ACTL8: variants seen among roughly 807,000 people sequenced by gnomAD.
ACTL8 encodes actin-like protein 8.
A neutral mutation model predicts 9.3 loss-of-function variants in ACTL8; 3 were observed. The ratio of observed to expected loss-of-function variants is 0.32; its 90% CI spans 0.15 to 0.83. The LOEUF (loss-of-function observed/expected upper bound fraction) is 0.83, where lower values mean the gene tolerates loss of function less well. Ranked by LOEUF, ACTL8 falls within the 40% of genes least tolerant of loss-of-function variation. The probability of loss-of-function intolerance (pLI) is 0.57; values close to 1 mark genes in which losing one functional copy is unlikely to be tolerated. For synonymous variants in ACTL8, 224 were observed against 205.9 expected, an observed-to-expected ratio of 1.09 and a Z score of -0.75; for missense variants, 381 against 492.2, an observed-to-expected ratio of 0.77 and a Z score of 2.14.
In ACTL8 at chr1:17,825,623, A is replaced by G; in HGVS notation, c.349-144A>G. 2.8e-6 allele frequency: 3 copies of G among 1,066,600 alleles called. No homozygotes were observed. The South Asian group carries it at 4.9e-5, about 18-fold the overall frequency. 66.1% of individuals were successfully genotyped at this position (1,066,600 alleles called of 1,614,324 possible). A position where few individuals can be genotyped will look rare whatever the true frequency, so the allele number is the denominator to read the frequency against. On this transcript the variant is annotated intron_variant, in intron 2 of 2. Transcript: ENST00000375406. ...CCTCCAGAGCTGCTGCATTATCCTC[A>G]CTGCATAAGCTCCAGGGGCCCTGGG...
chr1:17,825,477 G>A (rs756417282), intron 2 of ACTL8, among the ~76,000 whole-genome samples: 5 of 152,136 alleles, frequency 3.3e-5, no homozygotes, highest in Non-Finnish European at 5.9e-5. Flanking sequence ...TGCTCCTGCA[G>A]CCAGTGTCCC....
intron 1 of ACTL8, among the ~76,000 whole-genome samples, chr1:17,782,710 T>G (rs2066165693): frequency 2.0e-5 from 3 of 152,234 alleles, no homozygotes; most frequent in Admixed American, 2.0e-4. Context: ...CATCGTTTCC[T>G]TCTTGGTAAA....
intron 1 of ACTL8, among the ~76,000 whole-genome samples, chr1:17,779,582 C>G (rs1358726159): frequency 2.0e-5 from 3 of 152,126 alleles, no homozygotes; most frequent in Admixed American, 2.0e-4. Flanking sequence ...GGTTCTTCCC[C>G]CTGCAAAGCG....
At chr1:17,820,959 A>G (rs191399978) in intron 1 of ACTL8, among the ~76,000 whole-genome samples, 1 of 152,304 alleles carries the variant, frequency 6.6e-6, no homozygotes, top group East Asian at 1.9e-4. Flanking sequence ...GCACTTGGTA[A>G]GGGTGGGCCT....
At chr1:17,797,335 T>C (rs769430989) in intron 1 of ACTL8, among the ~76,000 whole-genome samples, 1 of 152,130 alleles carries the variant, frequency 6.6e-6, no homozygotes, top group Non-Finnish European at 1.5e-5. Context: ...ATTTAGGACC[T>C]CTCTGTCCCT....
At chr1:17,796,311 T>TGC (rs1253349207) in intron 1 of ACTL8, among the ~76,000 whole-genome samples, 1 of 94,440 alleles carries the variant, frequency 1.1e-5, no homozygotes, top group Non-Finnish European at 2.0e-5. Flanking sequence ...TGCACCTGTG[T>TGC]GTGTGTGTGT....
At chr1:17,775,158 G>T (rs888586819) in intron 1 of ACTL8, among the ~76,000 whole-genome samples, 5 of 152,220 alleles carry the variant, frequency 3.3e-5, no homozygotes, top group Non-Finnish European at 5.9e-5. Flanking sequence ...TCTAAATACA[G>T]GTGGGTAGGC....
At chr1:17,796,450 C>T (rs2066278022) in intron 1 of ACTL8, among the ~76,000 whole-genome samples, 1 of 152,124 alleles carries the variant, frequency 6.6e-6, no homozygotes, top group Non-Finnish European at 1.5e-5. Flanking sequence ...TTAATCTTTA[C>T]CATCCCAAGA....
chr1:17,787,461 G>A (rs962745219), intron 1 of ACTL8, among the ~76,000 whole-genome samples: 1 of 151,942 alleles, frequency 6.6e-6, no homozygotes, highest in Non-Finnish European at 1.5e-5. Flanking sequence ...TAGAGACAGG[G>A]TTTCACCATG....
intron 1 of ACTL8, among the ~76,000 whole-genome samples, chr1:17,758,430 T>C (rs2065981049): frequency 6.6e-6 from 1 of 152,236 alleles, no homozygotes. Context: ...AGCCAAAACC[T>C]GGCAATTGAT....
chr1:17,798,998 G>T (rs773227995), intron 1 of ACTL8, among the ~76,000 whole-genome samples: 3 of 152,150 alleles, frequency 2.0e-5, no homozygotes, highest in African/African-American at 7.2e-5. Context: ...AGCTCTCCAC[G>T]GATGCATTCC....
intron 1 of ACTL8, among the ~76,000 whole-genome samples, chr1:17,761,134 ATTTTTTTTTTTT>A (rs935834059): frequency 7.6e-6 from 1 of 131,392 alleles, no homozygotes; most frequent in African/African-American, 2.8e-5. Context: ...TTGCGGCTTA[ATTTTTTTTTTTT>A]TTTTTTTTTG....
At chr1:17,788,758 G>A (rs1034300624) in intron 1 of ACTL8, among the ~76,000 whole-genome samples, 1 of 152,372 alleles carries the variant, frequency 6.6e-6, no homozygotes, top group Non-Finnish European at 1.5e-5. Flanking sequence ...CCACCAGGCT[G>A]CAGAAGGCCC....
chr1:17,777,573 G>A (rs2066126632), intron 1 of ACTL8, among the ~76,000 whole-genome samples: 1 of 152,210 alleles, frequency 6.6e-6, no homozygotes, highest in South Asian at 2.1e-4. Flanking sequence ...CCAGAGTATG[G>A]TGTGGAGCCA....
chr1:17,800,821 C>G (rs2066316712), intron 1 of ACTL8, among the ~76,000 whole-genome samples: 1 of 151,904 alleles, frequency 6.6e-6, no homozygotes, highest in Non-Finnish European at 1.5e-5. Context: ...TCTCAAACTC[C>G]TCACCTCGTG....
intron 1 of ACTL8, among the ~76,000 whole-genome samples, chr1:17,808,916 T>G (rs962536499): frequency 1.3e-5 from 2 of 152,160 alleles, no homozygotes; most frequent in Non-Finnish European, 2.9e-5. Context: ...CAGAGACTGG[T>G]GGGCTTTGTG....
intron 1 of ACTL8, among the ~76,000 whole-genome samples, chr1:17,782,485 A>G (rs1172123108): frequency 6.6e-6 from 1 of 152,222 alleles, no homozygotes; most frequent in Non-Finnish European, 1.5e-5. Flanking sequence ...CATATTATGC[A>G]TAGATCGCCA....
chr1:17,805,445 G>A (rs2102695115), intron 1 of ACTL8, among the ~76,000 whole-genome samples: 1 of 144,524 alleles, frequency 6.9e-6, no homozygotes, highest in South Asian at 2.2e-4. Context: ...GAGTGCAGTG[G>A]CGCGGTCTTG....
intron 1 of ACTL8, among the ~76,000 whole-genome samples, chr1:17,780,213 A>T (rs2066145215): frequency 6.6e-6 from 1 of 152,106 alleles, no homozygotes; most frequent in Admixed American, 6.5e-5. Flanking sequence ...TGTCTTGAAA[A>T]AAAACCCCAA....
Sources: gnomAD v4.1 joint callset for allele counts (sites outside exome capture counted in the v4.1 genomes callset) on GRCh38, gnomAD v4.1.1 for gene constraint, MANE v1.5 for transcripts, NCBI Gene and HGNC (gene_info 2026-07-23, HGNC 2026-07-21) for gene names.